AGBL4: variants seen among roughly 807,000 people sequenced by gnomAD.
AGBL4 encodes cytosolic carboxypeptidase 6.
In AGBL4, 58 loss-of-function variants were observed where a neutral mutation model predicts 66.4. The observed-to-expected ratio is 0.87, with a 90% confidence interval of 0.71 to 1.09. AGBL4 has a LOEUF of 1.09. AGBL4 is among the 50% of genes least tolerant of loss of function. AGBL4 has a pLI of 0.00. For missense variants in AGBL4, 579 were observed against 631.0 expected, an observed-to-expected ratio of 0.92 and a Z score of 0.88; for synonymous variants, 234 against 222.9, an observed-to-expected ratio of 1.05 and a Z score of -0.44.
At chr1:49,463,277 T>C (rs1020256626) in intron 3 of AGBL4, among the ~76,000 whole-genome samples, 2 of 151,730 alleles carry the variant, frequency 1.3e-5, no homozygotes, top group African/African-American at 4.8e-5. Flanking sequence ...TTGCCATTAT[T>C]ATGGAGAACA....
chr1:48,720,646 ATTAG>A (rs559229255), intron 6 of AGBL4, among the ~76,000 whole-genome samples: 1 of 152,224 alleles, frequency 6.6e-6, no homozygotes, highest in African/African-American at 2.4e-5. Context: ...TTCAATAAAT[ATTAG>A]TTAATTAAAA....
intron 5 of AGBL4, among the ~76,000 whole-genome samples, chr1:49,001,470 T>C (rs1661388570): frequency 6.6e-6 from 1 of 152,154 alleles, no homozygotes; most frequent in South Asian, 2.1e-4. Flanking sequence ...TTCTTGTCAT[T>C]TCTTTGGTAG....
rs1371693920 is a variant in AGBL4 at position 48,695,879 on chromosome 1, A to AC, written c.635-32639dup. Among the ~76,000 whole-genome samples the AC allele has an allele frequency of 4.6e-4, 70 of 151,814 alleles. 1 individual carries two copies. Among genetic ancestry groups the AC allele is most frequent in the African/African-American group, 1.7e-3 (70 of 41,300 alleles). Reference sequence around the variant, plus strand: ...AGCCTAGACCACCACCAACCCCTAAACCTCCTACACCCCCATCCCCACTCT... The same window carrying AC: ...AGCCTAGACCACCACCAACCCCTAAACCCTCCTACACCCCCATCCCCACTCT... On this transcript the variant is annotated intron_variant, in intron 6 of 13. Transcript: ENST00000371839.
intron 3 of AGBL4, among the ~76,000 whole-genome samples, chr1:49,647,712 C>A (rs190143664): frequency 6.6e-6 from 1 of 152,130 alleles, no homozygotes; most frequent in Admixed American, 6.6e-5. Flanking sequence ...AGAGCCTAAC[C>A]TACAGGGATT....
intron 6 of AGBL4, among the ~76,000 whole-genome samples, chr1:48,774,821 T>G (rs541346328): frequency 6.6e-6 from 1 of 152,304 alleles, no homozygotes; most frequent in South Asian, 2.1e-4. Flanking sequence ...GCTGAATGAA[T>G]GAGTAGATGA....
intron 4 of AGBL4, among the ~76,000 whole-genome samples, chr1:49,213,782 T>A (rs528638188): frequency 6.6e-6 from 1 of 152,224 alleles, no homozygotes; most frequent in African/African-American, 2.4e-5. Flanking sequence ...GCAGGCCAGC[T>A]TATATACCTC....
chr1:49,848,203 T>C (rs1242260898), intron 2 of AGBL4, among the ~76,000 whole-genome samples: 1 of 152,008 alleles, frequency 6.6e-6, no homozygotes, highest in Admixed American at 6.5e-5. Flanking sequence ...GAAAACAGTA[T>C]GGAGATTTTT....
chr1:49,415,880 G>C (rs550482528), intron 3 of AGBL4, among the ~76,000 whole-genome samples: 1 of 152,094 alleles, frequency 6.6e-6, no homozygotes, highest in South Asian at 2.1e-4. Flanking sequence ...ATCAAGAAAT[G>C]CCAAAACCTG....
chr1:48,618,535 C>T (rs887885089), intron 9 of AGBL4, among the ~76,000 whole-genome samples: 14 of 152,180 alleles, frequency 9.2e-5, no homozygotes, highest in Non-Finnish European at 8.8e-5. Context: ...CTCTTTAGTT[C>T]ATCCAGCTCT....
intron 6 of AGBL4, among the ~76,000 whole-genome samples, chr1:48,824,321 G>T (rs192950100): frequency 1.1e-4 from 16 of 152,300 alleles, no homozygotes; most frequent in Middle Eastern, 6.8e-3. Context: ...TAACCCACAT[G>T]ATCAGAGCAG....
intron 3 of AGBL4, among the ~76,000 whole-genome samples, chr1:49,475,722 G>A (rs996676404): frequency 6.6e-6 from 1 of 152,032 alleles, no homozygotes; most frequent in Non-Finnish European, 1.5e-5. Context: ...GCATAGAAAT[G>A]TTCACAGTAG....
At chr1:49,258,505 G>A (rs1652767141) in intron 3 of AGBL4, among the ~76,000 whole-genome samples, 1 of 152,090 alleles carries the variant, frequency 6.6e-6, no homozygotes, top group Admixed American at 6.6e-5. Context: ...ACTACGTGAA[G>A]AATGCAGAAG....
intron 4 of AGBL4, chr1:49,187,518 T>C (rs1027505920): frequency 6.6e-6 from 1 of 152,002 alleles, no homozygotes. Flanking sequence ...TTTATGAGAG[T>C]CAAATGTTCA....
chr1:49,440,205 G>T (rs1216454345), intron 3 of AGBL4, among the ~76,000 whole-genome samples: 1 of 151,966 alleles, frequency 6.6e-6, no homozygotes, highest in African/African-American at 2.4e-5. Context: ...AAGTAGCTGG[G>T]ATTATAGGCG....
At chr1:49,406,533 T>C (rs1359948493) in intron 3 of AGBL4, among the ~76,000 whole-genome samples, 1 of 152,170 alleles carries the variant, frequency 6.6e-6, no homozygotes, top group African/African-American at 2.4e-5. Flanking sequence ...TATAAATATA[T>C]GATAATGTAG....
intron 6 of AGBL4, among the ~76,000 whole-genome samples, chr1:48,835,460 G>T (rs1646651382): frequency 6.6e-6 from 1 of 152,066 alleles, no homozygotes; most frequent in Non-Finnish European, 1.5e-5. Context: ...TGCTATGAAA[G>T]AAAGAACAGT....
chr1:48,769,018 G>C (rs1037292368), intron 6 of AGBL4, among the ~76,000 whole-genome samples: 1 of 152,134 alleles, frequency 6.6e-6, no homozygotes, highest in African/African-American at 2.4e-5. Flanking sequence ...ACACCAAATC[G>C]AGGCCTGCCT....
At chr1:49,975,039 G>A (rs1658444011) in intron 1 of AGBL4, among the ~76,000 whole-genome samples, 1 of 151,970 alleles carries the variant, frequency 6.6e-6, no homozygotes, top group African/African-American at 2.4e-5. Flanking sequence ...CAAATGATGT[G>A]GTAGTTGCTA....
chr1:49,601,757 A>T (rs1021184997), intron 3 of AGBL4, among the ~76,000 whole-genome samples: 1 of 152,222 alleles, frequency 6.6e-6, no homozygotes, highest in African/African-American at 2.4e-5. Flanking sequence ...ACCTTAGAAG[A>T]AAACGTAGGC....
Sources: allele counts gnomAD v4.1 joint callset (sites outside exome capture counted in the v4.1 genomes callset), GRCh38; gene constraint gnomAD v4.1.1; transcripts MANE v1.5; gene names NCBI Gene and HGNC (gene_info 2026-07-23, HGNC 2026-07-21).